GFRA2: variants seen among roughly 807,000 people sequenced by gnomAD.
GFRA2 encodes the protein GDNF family receptor alpha-2.
In GFRA2, 17 loss-of-function variants were observed where a neutral mutation model predicts 48.3. That is an observed-to-expected ratio of 0.35 (90% CI 0.24 to 0.53). The LOEUF is 0.53. Ranked by LOEUF, GFRA2 falls within the 20% of genes least tolerant of loss-of-function variation. The probability of loss-of-function intolerance (pLI) is 0.93; values close to 1 mark genes in which losing one functional copy is unlikely to be tolerated. For missense variants in GFRA2, 660 were observed against 637.3 expected, an observed-to-expected ratio of 1.04 and a Z score of -0.38; for synonymous variants, 305 against 257.2, an observed-to-expected ratio of 1.19 and a Z score of -1.78.
chr8:21,705,010 C>G lies in GFRA2; in HGVS notation c.1020G>C (p.Arg340Ser). The change falls in exon 6 of 9, where the codon AGG (arginine) becomes AGC (serine). Residue 340 changes from arginine (R) to serine (S), a missense_variant. Physicochemically the swap from Arg to Ser is moderately radical, Grantham distance 110. Transcript: ENST00000524240. ...GGAGGCATGGGTTCTCGGTGAAGTC[C>G]CTGAGGAACTTCTCACACTCCTCCT... is the stretch of plus-strand genomic sequence containing the variant. ...NMEEECEKFL[R>S]DFTENPCLRN... 6.2e-7 allele frequency: 1 copy of G among 1,610,972 alleles called. No individual in the cohort carries two copies. The highest frequency in any genetic ancestry group is 1.1e-5 in the South Asian group (1 of 90,002).
chr8:21,799,717 G>C (rs1156603337), intron 2 of GFRA2, among the ~76,000 whole-genome samples: 1 of 152,138 alleles, frequency 6.6e-6, no homozygotes, highest in African/African-American at 2.4e-5. Context: ...TCACTTGTTA[G>C]TCTGAAGAAA....
intron 3 of GFRA2, among the ~76,000 whole-genome samples, chr8:21,768,861 A>G (rs1043118340): frequency 6.6e-5 from 10 of 152,044 alleles, no homozygotes; most frequent in Non-Finnish European, 1.0e-4. Flanking sequence ...GTCTGCCACA[A>G]TGATCCCTGT....
chr8:21,693,260 T>G lies in GFRA2; in HGVS notation c.*18A>C. On this transcript the variant is annotated 3_prime_UTR_variant, in exon 9 of 9. Coordinates refer to ENST00000524240, the MANE Select transcript of GFRA2 (RefSeq NM_001495.5). Reference sequence around the variant, plus strand: ...GTCTGCGTAGCTTTCAAAAATATTCTGACTCGGTTCCCACAGCCTACAAGG... The same window carrying G: ...GTCTGCGTAGCTTTCAAAAATATTCGGACTCGGTTCCCACAGCCTACAAGG... The G allele has an allele frequency of 6.2e-7, 1 of 1,600,668 alleles. No homozygotes were observed. Among genetic ancestry groups the G allele is most frequent in the Non-Finnish European group, 8.5e-7 (1 of 1,172,272 alleles).
At position 21,697,253 on chromosome 8, in the gene GFRA2, T is replaced by C. The variant is rs544727386; in HGVS notation, c.1219-2736A>G. Among the ~76,000 whole-genome samples, 9 of 68,130 alleles carry C rather than the reference T, an allele frequency of 1.3e-4. No homozygotes were observed. The South Asian group carries it at 3.8e-3, about 29-fold the overall frequency. The allele number at this position is 68,130 out of a possible 152,430, so 44.7% of individuals were successfully genotyped here. A position where few individuals can be genotyped will look rare whatever the true frequency, so the allele number is the denominator to read the frequency against. On this transcript the variant is annotated intron_variant, in intron 7 of 8. Coordinates refer to ENST00000524240, the MANE Select transcript of GFRA2 (RefSeq NM_001495.5). ...AGGGGAGGAAGCTGAGGGAGAAAGA[T>C]AGCAGGAGGGGAGGGGACAGAGGAA... is the stretch of plus-strand genomic sequence containing the variant.
At chr8:21,762,911 C>A (rs1216694895) in intron 3 of GFRA2, among the ~76,000 whole-genome samples, 1 of 152,128 alleles carries the variant, frequency 6.6e-6, no homozygotes, top group Non-Finnish European at 1.5e-5. Flanking sequence ...CCATTAAAAA[C>A]CAAATTTGAG....
intron 1 of GFRA2, chr8:21,783,264 G>C (rs1023572035): frequency 2.4e-5 from 10 of 413,000 alleles, no homozygotes; most frequent in Non-Finnish European, 4.6e-5. Context: ...TGGCTTGCTG[G>C]GGGGTGCAGG....
intron 4 of GFRA2, among the ~76,000 whole-genome samples, chr8:21,731,506 G>A (rs1028782205): frequency 3.3e-5 from 5 of 151,942 alleles, no homozygotes; most frequent in South Asian, 2.1e-4. Context: ...AAAGGGCTCC[G>A]GCAAAACAGC....
chr8:21,703,013 G>C (rs900945467), intron 6 of GFRA2, 36 bp from the exon 7 acceptor site: 1 of 1,376,778 alleles, frequency 7.3e-7, no homozygotes, highest in Middle Eastern at 2.5e-4. Context: ...AGAGAAGTCA[G>C]AACCCACGTC....
intron 4 of GFRA2, among the ~76,000 whole-genome samples, chr8:21,714,663 T>C (rs1030329620): frequency 6.6e-6 from 1 of 152,122 alleles, no homozygotes; most frequent in Non-Finnish European, 1.5e-5. Context: ...CTACTATGTG[T>C]CAGGCGCTAT....
chr8:21,720,718 T>C (rs921821570), intron 4 of GFRA2, among the ~76,000 whole-genome samples: 2 of 152,172 alleles, frequency 1.3e-5, no homozygotes, highest in Non-Finnish European at 2.9e-5. Flanking sequence ...TTCCTCCAGT[T>C]CACCCTTCCA....
intron 3 of GFRA2, among the ~76,000 whole-genome samples, chr8:21,761,820 C>A (rs1485201882): frequency 6.6e-6 from 1 of 151,986 alleles, no homozygotes; most frequent in East Asian, 1.9e-4. Context: ...CGTGATGGTG[C>A]GCACCTGTAA....
At chr8:21,699,763 C>G (rs1446252600) in intron 7 of GFRA2, among the ~76,000 whole-genome samples, 1 of 152,224 alleles carries the variant, frequency 6.6e-6, no homozygotes, top group Non-Finnish European at 1.5e-5. Context: ...CTGAAACACA[C>G]AGAGCCCATC....
chr8:21,714,243 G>GTTTTTTTTTTTTTTTTTTTTT (rs1385783305), intron 4 of GFRA2, among the ~76,000 whole-genome samples: 1 of 46,044 alleles, frequency 2.2e-5, no homozygotes, highest in African/African-American at 7.1e-5. Context: ...CTGGTCTGAA[G>GTTTTTTTTTTTTTTTTTTTTT]TTCTTTTTTT....
chr8:21,701,191 G>C (rs988395620), intron 7 of GFRA2, among the ~76,000 whole-genome samples: 4 of 152,198 alleles, frequency 2.6e-5, no homozygotes, highest in African/African-American at 9.6e-5. Flanking sequence ...TCAGGAGATC[G>C]AGACCATCCT....
chr8:21,729,593 T>C (rs1397606557), intron 4 of GFRA2, among the ~76,000 whole-genome samples: 1 of 152,124 alleles, frequency 6.6e-6, no homozygotes, highest in Non-Finnish European at 1.5e-5. Flanking sequence ...GCAGTTTCCT[T>C]ACAGAAGGAG....
chr8:21,788,088 C>G, intron 1 of GFRA2, 32 bp downstream of exon 1: 1 of 1,200,502 alleles, frequency 8.3e-7, no homozygotes. Context: ...CTTCTCGCCT[C>G]CCCCTCGAGC....
intron 1 of GFRA2, among the ~76,000 whole-genome samples, chr8:21,809,976 G>A (rs1807947628): frequency 1.3e-5 from 2 of 152,106 alleles, no homozygotes; most frequent in South Asian, 4.1e-4. Flanking sequence ...TTCTCCTACA[G>A]TCCTGGGCAG....
intron 6 of GFRA2, 33 bp from the exon 7 acceptor site, chr8:21,703,010 T>A: frequency 7.1e-7 from 1 of 1,407,492 alleles, no homozygotes; most frequent in Non-Finnish European, 9.4e-7. Context: ...TGCAGAGAAG[T>A]CAGAACCCAC....
At chr8:21,724,743 C>T (rs80022391) in intron 4 of GFRA2, among the ~76,000 whole-genome samples, 2,505 of 152,290 alleles carry the variant, frequency 0.016, 61 homozygotes, top group African/African-American at 0.057. Flanking sequence ...AATCCCATCC[C>T]AGGAGCATTC....
Sources: gnomAD v4.1 joint callset for allele counts (sites outside exome capture counted in the v4.1 genomes callset) on GRCh38, gnomAD v4.1.1 for gene constraint, MANE v1.5 for transcripts, NCBI Gene and HGNC (gene_info 2026-07-23, HGNC 2026-07-21) for gene names.